Variants in PRKCH observed in about 807,000 individuals in gnomAD.
PRKCH encodes protein kinase C eta type.
PRKCH carries 28 observed loss-of-function variants against 82.5 expected under a neutral mutation model. That is an observed-to-expected ratio of 0.34 (90% CI 0.25 to 0.47). The LOEUF (loss-of-function observed/expected upper bound fraction) is 0.47, where lower values mean the gene tolerates loss of function less well. Ranked by LOEUF, PRKCH falls within the 20% of genes least tolerant of loss-of-function variation. The pLI is 1.00. For synonymous variants in PRKCH, 322 were observed against 327.4 expected, an observed-to-expected ratio of 0.98 and a Z score of 0.18; for missense variants, 705 against 881.8, an observed-to-expected ratio of 0.80 and a Z score of 2.54.
chr14:61,410,294 A>G (rs1236301438), intron 2 of PRKCH, among the ~76,000 whole-genome samples: 1 of 152,182 alleles, frequency 6.6e-6, no homozygotes, highest in Admixed American at 6.5e-5. Context: ...AATATCTCTT[A>G]TGCATTTTGA....
intron 1 of PRKCH, among the ~76,000 whole-genome samples, chr14:61,226,184 G>A (rs2044694996): frequency 1.3e-5 from 2 of 152,094 alleles, no homozygotes; most frequent in Non-Finnish European, 1.5e-5. Flanking sequence ...CTTTCAACCA[G>A]TAAGCATTTA....
At chr14:61,409,689 G>C (rs1375925249) in intron 2 of PRKCH, among the ~76,000 whole-genome samples, 1 of 108,032 alleles carries the variant, frequency 9.3e-6, no homozygotes, top group African/African-American at 3.5e-5. Flanking sequence ...GAGTGACACA[G>C]TGAGACCCTG....
chr14:61,221,535 G>A (rs971123501), intron 1 of PRKCH, among the ~76,000 whole-genome samples: 4 of 151,570 alleles, frequency 2.6e-5, no homozygotes, highest in African/African-American at 4.9e-5. Context: ...CCTCTTTGTC[G>A]TGACAGCGAT....
At chr14:61,239,681 G>C (rs962476612) in intron 1 of PRKCH, among the ~76,000 whole-genome samples, 21 of 152,198 alleles carry the variant, frequency 1.4e-4, no homozygotes, top group Admixed American at 1.4e-3. Context: ...TCTACAAAAT[G>C]AAACAATTCC....
Position 61,395,290 on chromosome 14 carries a change from G to GA in PRKCH, c.427+4002_427+4003insA, listed in dbSNP as rs1555383074. On this transcript the variant is annotated intron_variant, in intron 2 of 13. Transcript: ENST00000332981. ...CTGTGTTAAGTAAGAAGGAAATGGA[G>GA]CCCCCCCCCGCATTTGCCTGCCACA... 5.6e-5 allele frequency among the ~76,000 whole-genome samples: 7 copies of GA among 124,258 alleles called. 1 individual carries two copies. Among genetic ancestry groups the GA allele is most frequent in the Admixed American group, 4.3e-4 (5 of 11,650 alleles). The allele number at this position is 124,258 out of a possible 152,430, so 81.5% of individuals were successfully genotyped here. A position where few individuals can be genotyped will look rare whatever the true frequency, so the allele number is the denominator to read the frequency against.
chr14:61,400,171 G>C (rs985154671), intron 2 of PRKCH, among the ~76,000 whole-genome samples: 3 of 152,172 alleles, frequency 2.0e-5, no homozygotes, highest in Admixed American at 2.0e-4. Flanking sequence ...GCTAAGTCAT[G>C]TGGCACATGG....
chr14:61,203,033 C>T (rs968733772), intron 1 of PRKCH, among the ~76,000 whole-genome samples: 1 of 152,092 alleles, frequency 6.6e-6, no homozygotes, highest in East Asian at 1.9e-4. Context: ...CATCTCTCCC[C>T]CTAATTGATT....
At chr14:61,266,143 C>G (rs1401596782) in intron 1 of PRKCH, among the ~76,000 whole-genome samples, 1 of 152,050 alleles carries the variant, frequency 6.6e-6, no homozygotes, top group African/African-American at 2.4e-5. Context: ...CTTGGCTGGA[C>G]ATGGTGGCTC....
At chr14:61,505,064 C>A (rs1302552971) in intron 10 of PRKCH, among the ~76,000 whole-genome samples, 1 of 152,048 alleles carries the variant, frequency 6.6e-6, no homozygotes, top group Non-Finnish European at 1.5e-5. Flanking sequence ...AATAAGTGAG[C>A]TTTTATTTGT....
intron 1 of PRKCH, among the ~76,000 whole-genome samples, chr14:61,371,104 A>C (rs773613601): frequency 4.6e-5 from 7 of 152,100 alleles, no homozygotes. Context: ...AATTTCTTTA[A>C]GAGTTACCTG....
chr14:61,257,618 C>G (rs1566796934), intron 1 of PRKCH, among the ~76,000 whole-genome samples: 3 of 51,060 alleles, frequency 5.9e-5, no homozygotes, highest in African/African-American at 1.9e-4. Flanking sequence ...CACACACACA[C>G]ACACACACAC....
chr14:61,350,748 A>G (rs141892037), intron 1 of PRKCH, among the ~76,000 whole-genome samples: 39 of 152,170 alleles, frequency 2.6e-4, no homozygotes, highest in African/African-American at 9.4e-4. Context: ...TACTGTGCCA[A>G]CCCCTTAAAA....
rs1310290244 is a variant in PRKCH at position 61,530,507 on chromosome 14, A to C, written c.1673A>C (p.Asn558Thr). ...GGTCACGCGCCTTTTGAGGCAGAGA[A>C]CGAAGATGACCTCTTTGAGGCCATA... ...LCGHAPFEAE[N>T]EDDLFEAILN... Residue 558 changes from asparagine (N) to threonine (T), a missense_variant, in exon 12 of 14, where the codon AAC becomes ACC. Physicochemically the swap from Asn to Thr is moderately conservative, Grantham distance 65. Around this residue, in one of 5 missense-constraint regions of PRKCH, gnomAD observed 115 missense variants for 193.8 expected, o/e 0.59. Coordinates refer to ENST00000332981, the MANE Select transcript of PRKCH (RefSeq NM_006255.5). 2 of 1,612,784 alleles carry C rather than the reference A, an allele frequency of 1.2e-6. No individual in the cohort carries two copies. Among genetic ancestry groups the C allele is most frequent in the Non-Finnish European group, 1.7e-6 (2 of 1,179,388 alleles).
intron 10 of PRKCH, among the ~76,000 whole-genome samples, chr14:61,489,160 A>G (rs1886353104): frequency 6.6e-6 from 1 of 152,172 alleles, no homozygotes; most frequent in Non-Finnish European, 1.5e-5. Context: ...CCAGTGAGAA[A>G]CTTGGGAGTA....
intron 1 of PRKCH, chr14:61,298,203 T>G (rs2045419286): frequency 6.6e-6 from 1 of 152,490 alleles, no homozygotes. Flanking sequence ...GTCTCACCTG[T>G]GCCCAGGACT....
chr14:61,436,733 A>G (rs1160033072), intron 2 of PRKCH, among the ~76,000 whole-genome samples: 2 of 152,142 alleles, frequency 1.3e-5, no homozygotes, highest in African/African-American at 4.8e-5. Flanking sequence ...GGGTTTCACC[A>G]TGTTGGCCAG....
At chr14:61,428,092 C>CATATATATATAT (rs1883211044) in intron 2 of PRKCH, among the ~76,000 whole-genome samples, 2 of 115,320 alleles carry the variant, frequency 1.7e-5, no homozygotes, top group African/African-American at 6.3e-5. Flanking sequence ...CACACACACA[C>CATATATATATAT]ACACATATAT....
At chr14:61,445,613 G>T (rs1158749941) in intron 3 of PRKCH, 79 bp from the exon 4 acceptor site, 2 of 1,258,714 alleles carry the variant, frequency 1.6e-6, no homozygotes, top group Non-Finnish European at 2.3e-6. Context: ...AGGAGAGGAT[G>T]AAATTTGTTT....
intron 2 of PRKCH, among the ~76,000 whole-genome samples, chr14:61,400,349 T>C (rs113571566): frequency 0.01 from 1,578 of 152,352 alleles, 29 homozygotes; most frequent in African/African-American, 0.036. Context: ...TGACAAGTTG[T>C]TGATTTAATT....
Sources: allele counts gnomAD v4.1 joint callset (sites outside exome capture counted in the v4.1 genomes callset), GRCh38; gene constraint gnomAD v4.1.1; regional missense constraint gnomAD v4.1.1; transcripts MANE v1.5; gene names NCBI Gene and HGNC (gene_info 2026-07-23, HGNC 2026-07-21).